MOCOS: variants seen among roughly 807,000 people sequenced by gnomAD.
The protein encoded by MOCOS is human molybdenum cofactor sulfurase.
In MOCOS, 86 loss-of-function variants were observed where a neutral mutation model predicts 83.6. The observed-to-expected ratio is 1.03, with a 90% CI of 0.86 to 1.23. MOCOS has a LOEUF of 1.23. Ranked by LOEUF, MOCOS falls within the 50% of genes most tolerant of loss-of-function variation. The probability of loss-of-function intolerance (pLI) is 0.00; values close to 1 mark genes in which losing one functional copy is unlikely to be tolerated. For missense variants in MOCOS, 1,120 were observed against 1,126.9 expected, an observed-to-expected ratio of 0.99 and a Z score of 0.09; for synonymous variants, 445 against 434.7, an observed-to-expected ratio of 1.02 and a Z score of -0.29.
chr18:36,227,662 T>G (rs968614227), intron 9 of MOCOS, among the ~76,000 whole-genome samples: 3 of 152,098 alleles, frequency 2.0e-5, no homozygotes, highest in Non-Finnish European at 4.4e-5. Flanking sequence ...TCCCAAAGTA[T>G]GGGGATTATA....
rs1783271716 is a variant in MOCOS, at chr18:36,215,941, T to G, written c.1761T>G (p.Leu587=). The G allele has an allele frequency of 6.2e-7, 1 of 1,613,806 alleles. No homozygotes were observed. Among genetic ancestry groups the G allele is most frequent in the Non-Finnish European group, 8.5e-7 (1 of 1,179,930 alleles). The change falls in exon 8 of 15, where the codon CTT becomes CTG. Residue 587 remains leucine (L), a synonymous_variant. Coordinates refer to ENST00000261326, the MANE Select transcript of MOCOS (RefSeq NM_017947.4). ...TTGGGCCACATGTTGTCACTAACCTTTATCTCTATCCAATCAAATCCTGTG... is the reference window on the plus strand; with the variant it reads ...TTGGGCCACATGTTGTCACTAACCTGTATCTCTATCCAATCAAATCCTGTG... ...GALGPHVVTN[L]YLYPIKSCAA...
intron 14 of MOCOS, among the ~76,000 whole-genome samples, chr18:36,267,319 T>C (rs1276024679): frequency 6.6e-6 from 1 of 152,250 alleles, no homozygotes; most frequent in Non-Finnish European, 1.5e-5. Context: ...TTATAGAAAC[T>C]GAACTTCCAA....
intron 7 of MOCOS, among the ~76,000 whole-genome samples, chr18:36,214,173 C>T (rs558709154): frequency 8.9e-5 from 12 of 135,444 alleles, no homozygotes; most frequent in South Asian, 2.3e-4. Flanking sequence ...CCCGGGAGGT[C>T]GAGGTTGTGG....
chr18:36,223,025 T>C (rs2091502471), intron 9 of MOCOS, among the ~76,000 whole-genome samples: 1 of 152,266 alleles, frequency 6.6e-6, no homozygotes, highest in Admixed American at 6.5e-5. Flanking sequence ...AAATATTTTC[T>C]CCCATTCCAC....
rs370283628 is a variant in MOCOS at position 36,241,232 on chromosome 18, A to C, written c.1961-7690A>C. ...CACAGTCCAAAGTCTCATCTGAGAC[A>C]AGGCAAGTCCCTTCCACCTAGGAGC... is the stretch of plus-strand genomic sequence containing the variant. On this transcript the variant is annotated intron_variant, in intron 9 of 14. Transcript: ENST00000261326. 3.9e-5 allele frequency among the ~76,000 whole-genome samples: 6 copies of C among 152,332 alleles called. No homozygotes were observed. In the South Asian group the frequency reaches 6.2e-4, roughly 16 times the overall value.
intron 8 of MOCOS, 52 bp downstream of exon 8, chr18:36,216,029 A>AT: frequency 2.0e-6 from 3 of 1,517,716 alleles, no homozygotes; most frequent in Non-Finnish European, 2.7e-6. Context: ...TACTCTCTCT[A>AT]TTTTTTGATA....
chr18:36,219,836 G>A (rs149507943), intron 8 of MOCOS, among the ~76,000 whole-genome samples: 172 of 152,322 alleles, frequency 1.1e-3, no homozygotes, highest in Non-Finnish European at 2.2e-3. Context: ...GGAGAAGGGT[G>A]GAGTGTGGAC....
chr18:36,229,399 G>C (rs770754815), intron 9 of MOCOS, among the ~76,000 whole-genome samples: 17 of 152,060 alleles, frequency 1.1e-4, no homozygotes, highest in Non-Finnish European at 2.2e-4. Context: ...GGGTTCCCTT[G>C]TATATGACAA....
At position 36,215,598 on chromosome 18, in the gene MOCOS, C is replaced by T. The variant is rs201324027; in HGVS notation, c.1418C>T (p.Ser473Leu). 14 of 1,614,094 alleles carry T rather than the reference C, an allele frequency of 8.7e-6. No homozygotes were observed. The highest frequency in any genetic ancestry group is 6.7e-5 in the East Asian group (3 of 44,884). The change falls in exon 8 of 15, where the codon TCG (serine) becomes TTG (leucine). Residue 473 changes from serine (S) to leucine (L), a missense_variant. Transcript: ENST00000261326. ...GTGAGGATTTCATTTGGATACATGT[C>T]GACGCTGGATGATGTCCAGGCCTTT... ...GSVRISFGYM[S>L]TLDDVQAFLR...
At position 36,220,098 on chromosome 18, in the gene MOCOS, G is replaced by A. The variant is rs757932458; in HGVS notation, c.1841G>A (p.Arg614Gln). ...GGAAACCAAGGGCTGCTATATGACC[G>A]GAGCTGGATGGTTGTGAATCACAAT... is the stretch of plus-strand genomic sequence containing the variant. ...PVGNQGLLYD[R>Q]SWMVVNHNGV... The change falls in exon 9 of 15, where the codon CGG becomes CAG. Residue 614 changes from arginine (R) to glutamine (Q), a missense_variant. Coordinates refer to ENST00000261326, the MANE Select transcript of MOCOS (RefSeq NM_017947.4). 29 of 1,613,714 alleles carry A rather than the reference G, an allele frequency of 1.8e-5. 1 individual carries two copies. Among genetic ancestry groups the A allele is most frequent in the South Asian group, 1.8e-4 (16 of 91,078 alleles).
chr18:36,208,111 C>T (rs553305638), intron 6 of MOCOS, among the ~76,000 whole-genome samples: 50 of 152,128 alleles, frequency 3.3e-4, no homozygotes, highest in Admixed American at 1.2e-3. Flanking sequence ...TGTAGGTGTG[C>T]GGCTTTATTT....
rs73430999 is a variant in MOCOS at position 36,216,917 on chromosome 18, A to C, written c.1797+940A>C. Among the ~76,000 whole-genome samples, 854 of 152,308 alleles carry C rather than the reference A, an allele frequency of 5.6e-3. 4 individuals are homozygous for C. Among genetic ancestry groups the C allele is most frequent in the African/African-American group, 0.019 (791 of 41,572 alleles). On this transcript the variant is annotated intron_variant, in intron 8 of 14. Transcript: ENST00000261326. ...AGAGAAGAACATAGCGTTGGTCCTG[A>C]GGCATTCCTACCAAAAATGCAGAAA...
intron 9 of MOCOS, among the ~76,000 whole-genome samples, chr18:36,228,695 G>A (rs1273979598): frequency 2.0e-5 from 3 of 152,106 alleles, no homozygotes; most frequent in Admixed American, 2.0e-4. Context: ...TGGAGGGTGG[G>A]AGGATGGGGA....
intron 1 of MOCOS, among the ~76,000 whole-genome samples, chr18:36,193,723 G>A (rs2091375866): frequency 6.6e-6 from 1 of 152,086 alleles, no homozygotes; most frequent in Non-Finnish European, 1.5e-5. Context: ...AACATAAATA[G>A]ACAAATTGGA....
intron 10 of MOCOS, among the ~76,000 whole-genome samples, chr18:36,250,232 C>A (rs987447265): frequency 3.9e-5 from 6 of 152,276 alleles, no homozygotes; most frequent in African/African-American, 1.2e-4. Flanking sequence ...GATTGCCTAC[C>A]AGTTAACACA....
At chr18:36,240,004 C>T (rs2091574966) in intron 9 of MOCOS, among the ~76,000 whole-genome samples, 2 of 137,666 alleles carry the variant, frequency 1.5e-5, no homozygotes, top group South Asian at 4.7e-4. Context: ...TTAAGCACTT[C>T]TCTGTATTGG....
intron 12 of MOCOS, among the ~76,000 whole-genome samples, chr18:36,258,988 C>A (rs555780247): frequency 2.7e-5 from 4 of 146,536 alleles, no homozygotes; most frequent in African/African-American, 7.6e-5. Flanking sequence ...TAGTTTCACC[C>A]ATTCTTCAAC....
At chr18:36,220,239 C>G (rs1427545083) in intron 9 of MOCOS, 22 bp downstream of exon 9, 3 of 1,613,620 alleles carry the variant, frequency 1.9e-6, no homozygotes, top group Non-Finnish European at 1.7e-6. Flanking sequence ...GCTTCATTTT[C>G]ACAGAGCAGC....
Position 36,197,080 on chromosome 18 carries a change from A to G in MOCOS, c.233-1610A>G, listed in dbSNP as rs2091391303. ...CAGGAAGGGAGCAAAACTAGAAGTT[A>G]AGAGGAAGAGTGACATTGGGAGGAG... On this transcript the variant is annotated intron_variant, in intron 2 of 14. Transcript: ENST00000261326. Among the ~76,000 whole-genome samples the G allele has an allele frequency of 2.6e-5, 4 of 152,130 alleles. No homozygotes were observed. The South Asian group carries it at 6.2e-4, about 24-fold the overall frequency.
Sources: gnomAD v4.1 joint callset for allele counts (sites outside exome capture counted in the v4.1 genomes callset) on GRCh38, gnomAD v4.1.1 for gene constraint, MANE v1.5 for transcripts, NCBI Gene and HGNC (gene_info 2026-07-23, HGNC 2026-07-21) for gene names.